The following NRG3 variants were observed in gnomAD, a reference collection of about 807,000 sequenced individuals.
The protein encoded by NRG3 is pro-neuregulin-3, membrane-bound isoform.
Under a neutral mutation model 66.9 loss-of-function variants are expected in NRG3, and 31 were observed. The observed-to-expected ratio is 0.46, with a 90% CI of 0.35 to 0.63. NRG3 has a LOEUF of 0.63. Among genes scored for constraint, NRG3 ranks in the 20% least tolerant of loss-of-function variants. NRG3 has a pLI of 0.00. For missense variants in NRG3, 910 were observed against 878.9 expected, an observed-to-expected ratio of 1.04 and a Z score of -0.45; for synonymous variants, 393 against 359.4, an observed-to-expected ratio of 1.09 and a Z score of -1.06.
chr10:82,507,844 T>A (rs1844827440), intron 2 of NRG3, among the ~76,000 whole-genome samples: 1 of 152,202 alleles, frequency 6.6e-6, no homozygotes, highest in Non-Finnish European at 1.5e-5. Flanking sequence ...TTATTTATTA[T>A]TTGTCTGTTT....
chr10:82,818,715 G>A (rs1432016280), intron 3 of NRG3, among the ~76,000 whole-genome samples: 1 of 152,104 alleles, frequency 6.6e-6, no homozygotes, highest in Non-Finnish European at 1.5e-5. Flanking sequence ...CGATCTGAGT[G>A]TTCCCATTAA....
intron 1 of NRG3, among the ~76,000 whole-genome samples, chr10:82,235,556 TA>T (rs1404850487): frequency 6.6e-6 from 1 of 152,202 alleles, no homozygotes; most frequent in East Asian, 1.9e-4. Context: ...CCATCTCAAG[TA>T]ATCTCCCACT....
rs145438685 is a variant in NRG3, at chr10:82,298,990, T to C, written c.824-59749T>C. 4.7e-3 allele frequency among the ~76,000 whole-genome samples: 713 copies of C among 152,142 alleles called. 5 individuals are homozygous for C. The highest frequency in any genetic ancestry group is 0.016 in the African/African-American group (683 of 41,530). On this transcript the variant is annotated intron_variant, in intron 1 of 8. Transcript: ENST00000372141. Reference sequence around the variant, plus strand: ...CCAGAATAAACTGACACCTGATAGATTGGAGTGTTCAGAGAGATGGAGGCT... The same window carrying C: ...CCAGAATAAACTGACACCTGATAGACTGGAGTGTTCAGAGAGATGGAGGCT...
In NRG3 at chr10:82,297,929, C is replaced by A. The variant is rs571517368; in HGVS notation, c.824-60810C>A. Among the ~76,000 whole-genome samples, 21 of 152,142 alleles carry A rather than the reference C, an allele frequency of 1.4e-4. No individual in the cohort carries two copies. The South Asian group carries it at 4.2e-3, about 30-fold the overall frequency. ...GGCCAAGACAGGCGAATTGCTTGAG[C>A]TCAGGAGCTTGAGATGAACCTGGGC... is the stretch of plus-strand genomic sequence containing the variant. On this transcript the variant is annotated intron_variant, in intron 1 of 8. Coordinates refer to ENST00000372141, the MANE Select transcript of NRG3 (RefSeq NM_001010848.4).
chr10:82,442,370 C>G (rs2090475805), intron 2 of NRG3, among the ~76,000 whole-genome samples: 1 of 152,142 alleles, frequency 6.6e-6, no homozygotes, highest in African/African-American at 2.4e-5. Flanking sequence ...TTGAAGGACT[C>G]ATAGAAAGTT....
At chr10:82,417,268 A>C (rs7073820) in intron 2 of NRG3, among the ~76,000 whole-genome samples, 31,241 of 152,138 alleles carry the variant, frequency 0.21, 3,684 homozygotes, top group East Asian at 0.34. Context: ...ATGGTTCAAT[A>C]AGAGAGAGAG....
chr10:82,757,776 A>G (rs913718263), intron 3 of NRG3, among the ~76,000 whole-genome samples: 2 of 152,140 alleles, frequency 1.3e-5, no homozygotes, highest in Non-Finnish European at 2.9e-5. Flanking sequence ...GAGAGGCTCA[A>G]TAAATATTTG....
intron 2 of NRG3, among the ~76,000 whole-genome samples, chr10:82,718,234 A>G (rs1328663575): frequency 1.3e-5 from 2 of 151,700 alleles, no homozygotes; most frequent in East Asian, 3.9e-4. Context: ...TCTGTTGTCA[A>G]CTCCTGTTTT....
intron 2 of NRG3, among the ~76,000 whole-genome samples, chr10:82,652,887 G>T (rs1365251527): frequency 6.6e-6 from 1 of 152,180 alleles, no homozygotes; most frequent in Non-Finnish European, 1.5e-5. Context: ...GTTTTAAGCT[G>T]CTGAGTTTTG....
At chr10:82,029,139 G>C (rs894249385) in intron 1 of NRG3, among the ~76,000 whole-genome samples, 6 of 152,074 alleles carry the variant, frequency 3.9e-5, no homozygotes, top group African/African-American at 1.2e-4. Flanking sequence ...AACCTGGGAG[G>C]TGGAGGTTGC....
At chr10:82,610,462 A>G (rs568980576) in intron 2 of NRG3, among the ~76,000 whole-genome samples, 1 of 152,130 alleles carries the variant, frequency 6.6e-6, no homozygotes, top group Non-Finnish European at 1.5e-5. Context: ...ATTATACTGG[A>G]TATACTGGTT....
intron 2 of NRG3, among the ~76,000 whole-genome samples, chr10:82,505,784 C>T (rs1458152596): frequency 6.6e-6 from 1 of 152,154 alleles, no homozygotes; most frequent in African/African-American, 2.4e-5. Flanking sequence ...TTTGAAGAAC[C>T]CCTGAAGGCA....
At chr10:82,356,073 T>C (rs1252676063) in intron 1 of NRG3, among the ~76,000 whole-genome samples, 1 of 152,146 alleles carries the variant, frequency 6.6e-6, no homozygotes, top group South Asian at 2.1e-4. Context: ...CCCCAGACTT[T>C]TGCAGAGCCA....
intron 2 of NRG3, among the ~76,000 whole-genome samples, chr10:82,711,886 TCA>T (rs2056690400): frequency 1.3e-5 from 2 of 152,200 alleles, no homozygotes; most frequent in Non-Finnish European, 2.9e-5. Flanking sequence ...TGTTTTTGGA[TCA>T]CACACACCTG....
Position 82,168,810 on chromosome 10 carries a change from A to G in NRG3, c.824-189929A>G, listed in dbSNP as rs563802124. On this transcript the variant is annotated intron_variant, in intron 1 of 8. Transcript: ENST00000372141. ...CTTTCTACATCCCAATTTTAGAGGT[A>G]TCATTTCTGCCATTTTCTCAGATTT... Among the ~76,000 whole-genome samples the G allele has an allele frequency of 3.7e-4, 56 of 152,148 alleles. 1 individual carries two copies. Among genetic ancestry groups the G allele is most frequent in the Admixed American group, 1.2e-3 (19 of 15,252 alleles).
chr10:82,537,385 G>A (rs920060631), intron 2 of NRG3, among the ~76,000 whole-genome samples: 15 of 152,066 alleles, frequency 9.9e-5, no homozygotes, highest in Admixed American at 3.3e-4. Context: ...TAGATGGTTA[G>A]GGGCTTGCAG....
At chr10:82,272,823 T>G (rs1464639270) in intron 1 of NRG3, among the ~76,000 whole-genome samples, 3 of 152,044 alleles carry the variant, frequency 2.0e-5, no homozygotes, top group Non-Finnish European at 4.4e-5. Context: ...GATATTAACG[T>G]AGAGATTTTG....
rs568163353 is a variant in NRG3, at chr10:82,652,145, C to T, written c.954-86432C>T. ...GAGTTGGTGCAGGAGCCAGGATGAGCGCTTTTAGGGTGCCAGCAGGAGTGA... is the reference window on the plus strand; with the variant it reads ...GAGTTGGTGCAGGAGCCAGGATGAGTGCTTTTAGGGTGCCAGCAGGAGTGA... On this transcript the variant is annotated intron_variant, in intron 2 of 8. Coordinates refer to ENST00000372141, the MANE Select transcript of NRG3 (RefSeq NM_001010848.4). 2.0e-3 allele frequency among the ~76,000 whole-genome samples: 310 copies of T among 152,238 alleles called. 1 individual carries two copies. Among genetic ancestry groups the T allele is most frequent in the African/African-American group, 7.2e-3 (300 of 41,556 alleles).
chr10:82,111,678 A>C (rs2067396143), intron 1 of NRG3, among the ~76,000 whole-genome samples: 5 of 152,166 alleles, frequency 3.3e-5, no homozygotes, highest in Admixed American at 3.3e-4. Flanking sequence ...TTTATTCATG[A>C]TATTATTAAA....
Sources: allele counts gnomAD v4.1 joint callset (sites outside exome capture counted in the v4.1 genomes callset), GRCh38; gene constraint gnomAD v4.1.1; transcripts MANE v1.5; gene names NCBI Gene and HGNC (gene_info 2026-07-23, HGNC 2026-07-21).